KAZN: variants seen among roughly 807,000 people sequenced by gnomAD.
KAZN encodes kazrin.
In KAZN, 40 loss-of-function variants were observed where a neutral mutation model predicts 87.4. That is an observed-to-expected ratio of 0.46 (90% confidence interval 0.36 to 0.60). KAZN has a LOEUF of 0.60. Ranked by LOEUF, KAZN falls within the 20% of genes least tolerant of loss-of-function variation. The probability of loss-of-function intolerance (pLI) is 0.00; values close to 1 mark genes in which losing one functional copy is unlikely to be tolerated. For missense variants in KAZN, 898 were observed against 1,073.9 expected, an observed-to-expected ratio of 0.84 and a Z score of 2.29; for synonymous variants, 466 against 458.3, an observed-to-expected ratio of 1.02 and a Z score of -0.22.
chr1:14,811,995 G>A (rs1259189727), intron 1 of KAZN, among the ~76,000 whole-genome samples: 8 of 152,150 alleles, frequency 5.3e-5, no homozygotes, highest in African/African-American at 1.4e-4. Context: ...TGGTGATCCC[G>A]ATAACTGAAG....
chr1:14,606,757 T>G (rs1007741498), intron 1 of KAZN, among the ~76,000 whole-genome samples: 1 of 152,188 alleles, frequency 6.6e-6, no homozygotes, highest in Non-Finnish European at 1.5e-5. Flanking sequence ...CAGATAATTC[T>G]GTGTTCTCAG....
intron 2 of KAZN, among the ~76,000 whole-genome samples, chr1:14,553,599 C>T (rs182987074): frequency 3.3e-5 from 5 of 152,262 alleles, no homozygotes; most frequent in African/African-American, 9.6e-5. Context: ...CAGGGCCATG[C>T]GGCTAGTGAA....
At chr1:14,442,222 G>A (rs1172112012) in intron 2 of KAZN, among the ~76,000 whole-genome samples, 2 of 152,238 alleles carry the variant, frequency 1.3e-5, no homozygotes, top group Non-Finnish European at 2.9e-5. Context: ...GTTATACAAA[G>A]AGAAGATTGG....
chr1:14,846,954 G>A (rs1177741333), intron 1 of KAZN, among the ~76,000 whole-genome samples: 2 of 152,168 alleles, frequency 1.3e-5, no homozygotes, highest in African/African-American at 4.8e-5. Context: ...GGAGCGAGGG[G>A]CAGCAGGAAC....
intron 2 of KAZN, among the ~76,000 whole-genome samples, chr1:14,223,953 C>T (rs573102187): frequency 2.0e-4 from 30 of 152,218 alleles, no homozygotes; most frequent in African/African-American, 5.5e-4. Flanking sequence ...TCAACAAACA[C>T]GAAGGGAGAA....
intron 1 of KAZN, among the ~76,000 whole-genome samples, chr1:14,137,747 T>C (rs1645141860): frequency 6.9e-6 from 1 of 144,266 alleles, no homozygotes; most frequent in South Asian, 2.2e-4. Flanking sequence ...TTGCTCTTGT[T>C]GCCCAGGCTG....
At chr1:14,440,142 G>T (rs961531318) in intron 2 of KAZN, among the ~76,000 whole-genome samples, 1 of 152,196 alleles carries the variant, frequency 6.6e-6, no homozygotes, top group Non-Finnish European at 1.5e-5. Context: ...CTAGTTCACT[G>T]CATGTCCCCA....
intron 2 of KAZN, among the ~76,000 whole-genome samples, chr1:14,987,767 G>A (rs994979875): frequency 6.6e-6 from 1 of 152,212 alleles, no homozygotes; most frequent in Non-Finnish European, 1.5e-5. Flanking sequence ...AGGATGCGGG[G>A]AAGCCACTTG....
At chr1:14,608,175 C>T (rs1289326627) in intron 1 of KAZN, among the ~76,000 whole-genome samples, 2 of 152,206 alleles carry the variant, frequency 1.3e-5, no homozygotes, top group Admixed American at 6.5e-5. Flanking sequence ...AAAGACATGC[C>T]AGTAGGACGG....
At position 15,012,919 on chromosome 1, in the gene KAZN, C is replaced by CA. The variant is rs201736760; in HGVS notation, c.419-21822dup. ...CCTCGGCAACAGAAAGAGACTGTCT[C>CA]AAAAAAAAGAAAAGAATGGGAAGCG... On this transcript the variant is annotated intron_variant, in intron 2 of 14. Transcript: ENST00000376030. Among the ~76,000 whole-genome samples the CA allele has an allele frequency of 3.2e-3, 483 of 151,876 alleles. 1 individual carries two copies. Among genetic ancestry groups the CA allele is most frequent in the East Asian group, 0.022 (116 of 5,176 alleles).
intron 1 of KAZN, among the ~76,000 whole-genome samples, chr1:14,782,659 C>T (rs1426262370): frequency 6.6e-6 from 1 of 151,554 alleles, no homozygotes; most frequent in East Asian, 1.9e-4. Context: ...ATTGAAGAGG[C>T]CTATAAAAGC....
chr1:14,083,099 C>T (rs1643742574), intron 1 of KAZN, among the ~76,000 whole-genome samples: 1 of 152,138 alleles, frequency 6.6e-6, no homozygotes, highest in Admixed American at 6.5e-5. Flanking sequence ...GGTTTCCCTG[C>T]CACCTCTTCA....
At chr1:15,044,739 AAAAAG>A (rs1172148428) in intron 4 of KAZN, among the ~76,000 whole-genome samples, 3 of 151,934 alleles carry the variant, frequency 2.0e-5, no homozygotes, top group African/African-American at 7.3e-5. Context: ...ACAAAAAAAA[AAAAAG>A]GAAAGGAAAA....
intron 2 of KAZN, among the ~76,000 whole-genome samples, chr1:14,292,487 G>A (rs1054480056): frequency 4.6e-5 from 7 of 152,152 alleles, no homozygotes; most frequent in Admixed American, 6.5e-5. Context: ...AGGGATAGGC[G>A]GAGTCCTTGT....
At chr1:14,435,850 A>G (rs894731182) in intron 2 of KAZN, among the ~76,000 whole-genome samples, 3 of 151,940 alleles carry the variant, frequency 2.0e-5, no homozygotes, top group African/African-American at 7.3e-5. Flanking sequence ...GGATGGTGAC[A>G]GGGCCTAACG....
At chr1:14,943,046 G>A (rs1219424671) in intron 1 of KAZN, among the ~76,000 whole-genome samples, 11 of 128,934 alleles carry the variant, frequency 8.5e-5, no homozygotes, top group African/African-American at 1.7e-4. Context: ...GTGTGTGTGT[G>A]TGTGTTGGGG....
chr1:14,604,207 C>T (rs959450633), intron 1 of KAZN, among the ~76,000 whole-genome samples: 3 of 152,128 alleles, frequency 2.0e-5, no homozygotes, highest in African/African-American at 4.8e-5. Context: ...GGAGTGTCAC[C>T]GCCAGCAGTC....
rs113074050 is a variant in KAZN at position 14,617,445 on chromosome 1, G to A, written c.226+18222G>A. ...CAGAACATGCTTTTGGGAAATTGGC[G>A]TTGATAGACTTGCTGCATGAGAGGG... On this transcript the variant is annotated intron_variant, in intron 1 of 14. Transcript: ENST00000376030. Among the ~76,000 whole-genome samples, 265 of 152,254 alleles carry A rather than the reference G, an allele frequency of 1.7e-3. 2 individuals carry two copies. Among genetic ancestry groups the A allele is most frequent in the African/African-American group, 6.0e-3 (251 of 41,546 alleles).
At chr1:14,117,381 C>A (rs562716154) in intron 1 of KAZN, among the ~76,000 whole-genome samples, 2 of 152,172 alleles carry the variant, frequency 1.3e-5, no homozygotes, top group African/African-American at 4.8e-5. Context: ...AATTTCCCTG[C>A]GCAAGCTTCT....
Sources: allele counts gnomAD v4.1 joint callset (sites outside exome capture counted in the v4.1 genomes callset), GRCh38; gene constraint gnomAD v4.1.1; transcripts MANE v1.5; gene names NCBI Gene and HGNC (gene_info 2026-07-23, HGNC 2026-07-21).